STT3B: variants seen among roughly 807,000 people sequenced by gnomAD.
STT3B encodes the protein dolichyl-diphosphooligosaccharide--protein glycosyltransferase subunit STT3B.
A neutral mutation model predicts 96.8 loss-of-function variants in STT3B; 29 were observed. The ratio of observed to expected loss-of-function variants is 0.30; its 90% confidence interval spans 0.22 to 0.41. The LOEUF (loss-of-function observed/expected upper bound fraction) is 0.41, where lower values mean the gene tolerates loss of function less well. STT3B is among the 10% of genes least tolerant of loss of function. The pLI is 1.00. For synonymous variants in STT3B, 367 were observed against 360.0 expected (o/e 1.02, Z -0.22); for missense variants, 640 against 1,022.3 (o/e 0.63, Z 5.10).
chr3:31,569,012 CTTTT>C (rs1013485593), intron 1 of STT3B, among the ~76,000 whole-genome samples: 5 of 151,962 alleles, frequency 3.3e-5, no homozygotes, highest in Admixed American at 1.3e-4. Context: ...TTCTTTCTTT[CTTTT>C]TGTTTCTTTT....
intron 5 of STT3B, 72 bp downstream of exon 5, chr3:31,600,531 T>C (rs1177192565): frequency 4.2e-6 from 3 of 712,430 alleles, no homozygotes; most frequent in Non-Finnish European, 4.8e-6. Context: ...TGAAGAGATA[T>C]TTCTATTTGG....
At chr3:31,545,828 T>C (rs1271920567) in intron 1 of STT3B, among the ~76,000 whole-genome samples, 1 of 152,006 alleles carries the variant, frequency 6.6e-6, no homozygotes, top group Non-Finnish European at 1.5e-5. Context: ...TTTTTTTTTT[T>C]TTTTAAGCTC....
At chr3:31,597,911 C>T (rs1047919490) in intron 4 of STT3B, among the ~76,000 whole-genome samples, 2 of 151,124 alleles carry the variant, frequency 1.3e-5, no homozygotes, top group Non-Finnish European at 2.9e-5. Context: ...TCTCGGCTCA[C>T]GGCAACCTCG....
At chr3:31,569,686 T>A (rs1698094304) in intron 1 of STT3B, among the ~76,000 whole-genome samples, 1 of 152,150 alleles carries the variant, frequency 6.6e-6, no homozygotes, top group Admixed American at 6.5e-5. Flanking sequence ...TATGTGAGAT[T>A]GGACATCGTT....
chr3:31,621,001 T>C (rs1322535571), intron 9 of STT3B, among the ~76,000 whole-genome samples: 2 of 152,234 alleles, frequency 1.3e-5, no homozygotes, highest in African/African-American at 4.8e-5. Context: ...TTCCTATGTA[T>C]ATATCTAAGA....
chr3:31,535,389 A>T (rs1697063609), intron 1 of STT3B, among the ~76,000 whole-genome samples: 1 of 147,778 alleles, frequency 6.8e-6, no homozygotes, highest in Admixed American at 6.7e-5. Context: ...TTCCAGCTTC[A>T]GTAGTGTGGT....
intron 5 of STT3B, among the ~76,000 whole-genome samples, chr3:31,605,940 T>A (rs1271156936): frequency 6.6e-6 from 1 of 152,200 alleles, no homozygotes; most frequent in Non-Finnish European, 1.5e-5. Context: ...AAATCTAGGC[T>A]GAGATGGTCT....
At chr3:31,609,927 A>G (rs1474195198) in intron 5 of STT3B, among the ~76,000 whole-genome samples, 1 of 152,212 alleles carries the variant, frequency 6.6e-6, no homozygotes, top group African/African-American at 2.4e-5. Flanking sequence ...ACACGTAAGT[A>G]ATTTCTTGCT....
intron 3 of STT3B, among the ~76,000 whole-genome samples, chr3:31,580,994 AC>A (rs1235526662): frequency 6.6e-6 from 1 of 151,934 alleles, no homozygotes; most frequent in African/African-American, 2.4e-5. Flanking sequence ...CTTTTAATAA[AC>A]TATATAATAT....
intron 3 of STT3B, among the ~76,000 whole-genome samples, chr3:31,582,509 G>A (rs1698432558): frequency 6.6e-6 from 1 of 151,934 alleles, no homozygotes; most frequent in Admixed American, 6.6e-5. Context: ...TGGTCAGGCT[G>A]GTCTTGAACT....
intron 1 of STT3B, among the ~76,000 whole-genome samples, chr3:31,535,711 C>T (rs1292717996): frequency 6.6e-6 from 1 of 152,020 alleles, no homozygotes; most frequent in African/African-American, 2.4e-5. Flanking sequence ...CAACAAAGAG[C>T]GAAACTCCGA....
chr3:31,532,936 G>A lies in STT3B; in HGVS notation c.-63G>A, dbSNP rs997001657. 3.3e-5 allele frequency: 50 copies of A among 1,528,108 alleles called. 2 individuals carry two copies. In the South Asian group the frequency reaches 5.9e-4, roughly 18 times the overall value. The allele number at this position is 1,528,108 out of a possible 1,614,324, so 94.7% of individuals were successfully genotyped here. A position where few individuals can be genotyped will look rare whatever the true frequency, so the allele number is the denominator to read the frequency against. ...TCCTCCTCCTCCGGGTCCCCGCCCA[G>A]CACCCCTCGCACCAGGCGGCGGCGG... is the stretch of plus-strand genomic sequence containing the variant. On this transcript the variant is annotated 5_prime_UTR_variant, in exon 1 of 16. Coordinates refer to ENST00000295770, the MANE Select transcript of STT3B (RefSeq NM_178862.3).
intron 1 of STT3B, among the ~76,000 whole-genome samples, chr3:31,554,548 C>T (rs1338544390): frequency 6.6e-6 from 1 of 152,162 alleles, no homozygotes; most frequent in Non-Finnish European, 1.5e-5. Context: ...ACCGCGTCAG[C>T]AGCTCCAAGG....
At chr3:31,566,374 T>C (rs1236382668) in intron 1 of STT3B, among the ~76,000 whole-genome samples, 1 of 152,322 alleles carries the variant, frequency 6.6e-6, no homozygotes, top group Admixed American at 6.5e-5. Flanking sequence ...TGTTACATAT[T>C]GTGCCTTAGT....
intron 14 of STT3B, among the ~76,000 whole-genome samples, chr3:31,630,890 A>G (rs749992138): frequency 2.9e-4 from 44 of 151,714 alleles, no homozygotes; most frequent in Non-Finnish European, 4.3e-4. Flanking sequence ...TTCGCCTCCC[A>G]GGTTCATGCC....
chr3:31,636,533 T>C lies in STT3B; in HGVS notation c.*469T>C, dbSNP rs1238765701. The C allele has an allele frequency of 6.6e-6, 1 of 152,480 alleles. No individual in the cohort carries two copies. Among genetic ancestry groups the C allele is most frequent in the Non-Finnish European group, 1.5e-5 (1 of 68,216 alleles). The allele number at this position is 152,480 out of a possible 1,614,324, so 9.4% of individuals were successfully genotyped here. ...CTAGTACAGGTCTGAGAAAGACATA[T>C]TAGAAGAATCATTATACTTCCTTGA... is the stretch of plus-strand genomic sequence containing the variant. On this transcript the variant is annotated 3_prime_UTR_variant, in exon 16 of 16. Coordinates refer to ENST00000295770, the MANE Select transcript of STT3B (RefSeq NM_178862.3).
chr3:31,569,853 T>C (rs901044166), intron 1 of STT3B, among the ~76,000 whole-genome samples: 2 of 152,106 alleles, frequency 1.3e-5, no homozygotes, highest in African/African-American at 4.8e-5. Context: ...AGAGTTTGCA[T>C]ATATATGTAT....
chr3:31,607,338 C>T (rs541869578), intron 5 of STT3B, among the ~76,000 whole-genome samples: 1 of 152,078 alleles, frequency 6.6e-6, no homozygotes. Flanking sequence ...TGGCTGTGTC[C>T]CCACCCAAAT....
chr3:31,630,139 T>C (rs888193214), intron 14 of STT3B, among the ~76,000 whole-genome samples: 6 of 152,198 alleles, frequency 3.9e-5, no homozygotes, highest in African/African-American at 1.4e-4. Context: ...CCCCAAAATA[T>C]GCCTCTTTGA....
Sources: gnomAD v4.1 joint callset for allele counts (sites outside exome capture counted in the v4.1 genomes callset) on GRCh38, gnomAD v4.1.1 for gene constraint, MANE v1.5 for transcripts, NCBI Gene and HGNC (gene_info 2026-07-23, HGNC 2026-07-21) for gene names.